The following LRRIQ3 variants were observed in gnomAD, a reference collection of about 807,000 sequenced individuals.
LRRIQ3 encodes the protein leucine rich repeats and IQ motif containing 3.
A neutral mutation model predicts 59.3 loss-of-function variants in LRRIQ3; 75 were observed. The ratio of observed to expected loss-of-function variants is 1.26; its 90% CI spans 1.05 to 1.53. The LOEUF (loss-of-function observed/expected upper bound fraction) is 1.53, where lower values mean the gene tolerates loss of function less well. Ranked by LOEUF, LRRIQ3 falls within the 40% of genes most tolerant of loss-of-function variation. The probability of loss-of-function intolerance (pLI) is 0.00; values close to 1 mark genes in which losing one functional copy is unlikely to be tolerated. For synonymous variants in LRRIQ3, 250 were observed against 231.3 expected (o/e 1.08, Z -0.73); for missense variants, 831 against 710.0 (o/e 1.17, Z -1.94).
intron 5 of LRRIQ3, among the ~76,000 whole-genome samples, chr1:74,090,383 A>G (rs947713787): frequency 1.3e-5 from 2 of 152,028 alleles, no homozygotes; most frequent in African/African-American, 2.4e-5. Context: ...AGAACTTTAA[A>G]ACTTAAAAAT....
At chr1:74,132,391 GA>G (rs1212989714) in intron 4 of LRRIQ3, among the ~76,000 whole-genome samples, 2 of 152,106 alleles carry the variant, frequency 1.3e-5, no homozygotes, top group African/African-American at 4.8e-5. Context: ...AACCAAAAAT[GA>G]GCCCGCATTG....
chr1:74,167,939 G>T (rs1649091297), intron 3 of LRRIQ3, among the ~76,000 whole-genome samples: 1 of 152,074 alleles, frequency 6.6e-6, no homozygotes, highest in South Asian at 2.1e-4. Context: ...CACCCTGTAT[G>T]ATTTAAATTC....
intron 7 of LRRIQ3, among the ~76,000 whole-genome samples, chr1:74,031,408 T>C (rs1244535654): frequency 5.9e-5 from 9 of 152,022 alleles, no homozygotes; most frequent in Non-Finnish European, 1.2e-4. Context: ...GTGGCACATA[T>C]ACACCATGGA....
At chr1:74,188,793 G>A (rs1338305929) in intron 1 of LRRIQ3, among the ~76,000 whole-genome samples, 2 of 152,038 alleles carry the variant, frequency 1.3e-5, no homozygotes, top group Non-Finnish European at 2.9e-5. Context: ...AGCAAACTAT[G>A]GGGAAGGAAC....
At chr1:74,151,963 C>T (rs930104131) in intron 4 of LRRIQ3, among the ~76,000 whole-genome samples, 1 of 151,920 alleles carries the variant, frequency 6.6e-6, no homozygotes, top group African/African-American at 2.4e-5. Flanking sequence ...ATAGAAACAG[C>T]AATGCAGAAA....
intron 6 of LRRIQ3, among the ~76,000 whole-genome samples, chr1:74,063,242 A>T (rs2100449702): frequency 6.6e-6 from 1 of 152,126 alleles, no homozygotes; most frequent in Non-Finnish European, 1.5e-5. Flanking sequence ...GTAATCTCAT[A>T]ATGAATAAAG....
chr1:74,068,342 G>A (rs1162493791), intron 6 of LRRIQ3, among the ~76,000 whole-genome samples: 2 of 151,932 alleles, frequency 1.3e-5, no homozygotes, highest in Non-Finnish European at 2.9e-5. Context: ...TATATTAATG[G>A]AACATATGGC....
At chr1:74,077,259 T>C (rs909584559) in intron 5 of LRRIQ3, among the ~76,000 whole-genome samples, 7 of 151,914 alleles carry the variant, frequency 4.6e-5, no homozygotes, top group African/African-American at 1.4e-4. Flanking sequence ...AACTTCTCTC[T>C]GTTTCTGCCT....
chr1:74,141,647 T>C (rs531436334), intron 4 of LRRIQ3, among the ~76,000 whole-genome samples: 3 of 152,080 alleles, frequency 2.0e-5, no homozygotes, highest in South Asian at 4.1e-4. Flanking sequence ...TTTCTAAATA[T>C]GTATTAGATA....
intron 6 of LRRIQ3, among the ~76,000 whole-genome samples, chr1:74,069,330 G>T (rs996758912): frequency 6.6e-6 from 1 of 151,894 alleles, no homozygotes; most frequent in Non-Finnish European, 1.5e-5. Context: ...TTTCAGTCTT[G>T]TATGCCACAT....
chr1:74,077,761 G>A (rs1161662782), intron 5 of LRRIQ3, among the ~76,000 whole-genome samples: 5 of 151,842 alleles, frequency 3.3e-5, no homozygotes, highest in Admixed American at 1.3e-4. Flanking sequence ...AGCTCTAAAG[G>A]AACTGAGGCT....
intron 6 of LRRIQ3, among the ~76,000 whole-genome samples, chr1:74,072,218 C>T (rs767757592): frequency 5.9e-5 from 9 of 151,986 alleles, no homozygotes; most frequent in East Asian, 1.9e-4. Context: ...CATTAAGCAT[C>T]GCATATATCT....
At chr1:74,056,658 G>A (rs1654544170) in intron 6 of LRRIQ3, among the ~76,000 whole-genome samples, 1 of 152,018 alleles carries the variant, frequency 6.6e-6, no homozygotes, top group African/African-American at 2.4e-5. Context: ...ATTTAACCAT[G>A]AAAAGAAAAT....
chr1:74,166,121 T>A (rs575482486), intron 3 of LRRIQ3, among the ~76,000 whole-genome samples: 1 of 151,794 alleles, frequency 6.6e-6, no homozygotes, highest in East Asian at 1.9e-4. Context: ...TTGGAATATA[T>A]TGTACAGAAT....
At chr1:74,142,762 C>A (rs925646414) in intron 4 of LRRIQ3, among the ~76,000 whole-genome samples, 1 of 151,940 alleles carries the variant, frequency 6.6e-6, no homozygotes. Context: ...TTAGGGCATG[C>A]GTCAAGGCCA....
intron 2 of LRRIQ3, chr1:74,183,225 T>C (rs897905124): frequency 2.7e-6 from 1 of 373,498 alleles, no homozygotes; most frequent in Non-Finnish European, 4.7e-6. Flanking sequence ...AAGTGAAACA[T>C]ACCAGATTAC....
intron 5 of LRRIQ3, chr1:74,109,141 C>T (rs1258625354): frequency 4.4e-6 from 1 of 225,306 alleles, no homozygotes; most frequent in Admixed American, 5.5e-5. Context: ...CTTGTAAAAA[C>T]TAAATAAAAA....
At chr1:74,083,991 T>A (rs938049571) in intron 5 of LRRIQ3, 8 of 459,294 alleles carry the variant, frequency 1.7e-5, no homozygotes, top group African/African-American at 1.4e-4. Context: ...ATGCAAGTTT[T>A]AAAGTGTTAA....
intron 5 of LRRIQ3, among the ~76,000 whole-genome samples, chr1:74,078,148 G>C (rs574638646): frequency 6.6e-6 from 1 of 151,952 alleles, no homozygotes; most frequent in South Asian, 2.1e-4. Flanking sequence ...CCTGTATTCA[G>C]CAGTATGTTT....
Sources: allele counts gnomAD v4.1 joint callset (sites outside exome capture counted in the v4.1 genomes callset), GRCh38; gene constraint gnomAD v4.1.1; transcripts MANE v1.5; gene names NCBI Gene and HGNC (gene_info 2026-07-23, HGNC 2026-07-21).